Variants in LAMA2 observed in about 807,000 individuals in gnomAD.
LAMA2 encodes the protein laminin subunit alpha-2.
Under a neutral mutation model 364.8 loss-of-function variants are expected in LAMA2, and 269 were observed. The ratio of observed to expected loss-of-function variants is 0.74; its 90% CI spans 0.67 to 0.82. The LOEUF is 0.82. LAMA2 is among the 40% of genes least tolerant of loss of function. The pLI is 0.00. For synonymous variants in LAMA2, 1,379 were observed against 1,370.6 expected (o/e 1.01, Z -0.14); for missense variants, 3,807 against 3,873.2 (o/e 0.98, Z 0.45).
chr6:128,958,419 A>G, intron 1 of LAMA2, among the ~76,000 whole-genome samples: 1 of 152,256 alleles, frequency 6.6e-6, no homozygotes, highest in Admixed American at 6.5e-5. Flanking sequence ...TTATTATATT[A>G]TGAAGAAATA....
intron 1 of LAMA2, among the ~76,000 whole-genome samples, chr6:128,966,432 GCT>G (rs1387629997): frequency 6.6e-6 from 1 of 151,934 alleles, no homozygotes; most frequent in Non-Finnish European, 1.5e-5. Flanking sequence ...CTGTTCTGTT[GCT>G]CTTGGTTTAT....
At chr6:129,392,396 C>T (rs1336814399) in intron 36 of LAMA2, among the ~76,000 whole-genome samples, 2 of 152,124 alleles carry the variant, frequency 1.3e-5, no homozygotes, top group African/African-American at 4.8e-5. Flanking sequence ...GAATCAGAAA[C>T]TTTGGGGATG....
intron 4 of LAMA2, among the ~76,000 whole-genome samples, chr6:129,138,190 T>C (rs1309367866): frequency 6.6e-6 from 1 of 151,978 alleles, no homozygotes; most frequent in Non-Finnish European, 1.5e-5. Flanking sequence ...AGACTGACTA[T>C]ATGAATGGGA....
intron 29 of LAMA2, among the ~76,000 whole-genome samples, chr6:129,331,127 C>T (rs995215469): frequency 7.9e-5 from 12 of 152,132 alleles, no homozygotes; most frequent in African/African-American, 1.7e-4. Context: ...TCGCCTCCTT[C>T]GGCCTCCCAA....
chr6:129,351,925 T>C (rs895306484), intron 31 of LAMA2, among the ~76,000 whole-genome samples: 5 of 152,196 alleles, frequency 3.3e-5, no homozygotes, highest in Admixed American at 2.6e-4. Flanking sequence ...TTGCCTTTTC[T>C]AACCAGCACA....
intron 34 of LAMA2, among the ~76,000 whole-genome samples, chr6:129,370,690 A>G (rs1038382014): frequency 6.6e-6 from 1 of 152,234 alleles, no homozygotes; most frequent in Non-Finnish European, 1.5e-5. Flanking sequence ...GATAAAGAGT[A>G]TTGGAGCTAG....
chr6:129,509,667 T>C (rs1270078923), intron 62 of LAMA2, among the ~76,000 whole-genome samples: 4 of 152,156 alleles, frequency 2.6e-5, no homozygotes, highest in Non-Finnish European at 5.9e-5. Context: ...TCACTGTAGA[T>C]GTATGGATTT....
At chr6:129,373,878 C>G (rs1778226568) in intron 34 of LAMA2, among the ~76,000 whole-genome samples, 1 of 152,176 alleles carries the variant, frequency 6.6e-6, no homozygotes, top group Admixed American at 6.5e-5. Context: ...TGACCCTGAT[C>G]ACCTGACTAA....
intron 12 of LAMA2, among the ~76,000 whole-genome samples, chr6:129,237,644 G>A (rs1312088972): frequency 6.6e-6 from 1 of 152,060 alleles, no homozygotes; most frequent in South Asian, 2.1e-4. Flanking sequence ...GTGCCCAGCT[G>A]TTTCTCACAT....
At chr6:129,455,645 T>C (rs1782923728) in intron 47 of LAMA2, among the ~76,000 whole-genome samples, 1 of 152,126 alleles carries the variant, frequency 6.6e-6, no homozygotes, top group Non-Finnish European at 1.5e-5. Flanking sequence ...TGGAAATCAA[T>C]CACTTAAAAA....
At chr6:129,022,708 A>G (rs543687206) in intron 1 of LAMA2, among the ~76,000 whole-genome samples, 2 of 152,316 alleles carry the variant, frequency 1.3e-5, no homozygotes, top group South Asian at 4.1e-4. Flanking sequence ...TTTCCTTTCA[A>G]TAATAAGCAA....
chr6:129,033,970 C>G (rs1041147433), intron 1 of LAMA2, among the ~76,000 whole-genome samples: 2 of 150,990 alleles, frequency 1.3e-5, no homozygotes, highest in African/African-American at 2.4e-5. Context: ...GAACATAAAC[C>G]AAAACAAAGC....
Position 129,438,756 on chromosome 6 carries a change from CCAAATGG to C in LAMA2, c.6080_6085+1del. 1 of 1,520,700 alleles carries C rather than the reference CCAAATGG, an allele frequency of 6.6e-7. No homozygotes were observed. The highest frequency in any genetic ancestry group is 1.4e-5 in the African/African-American group (1 of 73,072). The allele number at this position is 1,520,700 out of a possible 1,614,324, so 94.2% of individuals were successfully genotyped here. A position where few individuals can be genotyped will look rare whatever the true frequency, so the allele number is the denominator to read the frequency against. ...CACTTTGGGAAAGTTATCAGCTATT[CCAAATGG>C]TAAGCATTCAGGACACTACCAACTG... On this transcript the variant is annotated splice_donor_variant and coding_sequence_variant, in exon 42 of 65. Coordinates refer to ENST00000421865, the MANE Select transcript of LAMA2 (RefSeq NM_000426.4). LOFTEE classifies it high-confidence loss of function.
chr6:129,507,774 G>A, intron 62 of LAMA2, 132 bp downstream of exon 62: 5 of 901,202 alleles, frequency 5.5e-6, no homozygotes, highest in South Asian at 4.3e-5. Context: ...AGAAACTTAT[G>A]GAAGTAATTT....
intron 3 of LAMA2, among the ~76,000 whole-genome samples, chr6:129,070,216 A>G (rs1773222677): frequency 6.6e-6 from 1 of 152,118 alleles, no homozygotes; most frequent in Non-Finnish European, 1.5e-5. Context: ...ATAAGGATAA[A>G]GTGATGTGTT....
At chr6:129,328,872 TG>T (rs1451536492) in intron 29 of LAMA2, among the ~76,000 whole-genome samples, 1 of 152,240 alleles carries the variant, frequency 6.6e-6, no homozygotes, top group East Asian at 1.9e-4. Context: ...TTTTATGTCT[TG>T]TCCTTTACAT....
At chr6:129,121,766 T>C (rs1405318174) in intron 4 of LAMA2, among the ~76,000 whole-genome samples, 2 of 152,168 alleles carry the variant, frequency 1.3e-5, no homozygotes, top group Non-Finnish European at 1.5e-5. Flanking sequence ...CTCAAAGACA[T>C]TATTACAAAG....
intron 12 of LAMA2, among the ~76,000 whole-genome samples, chr6:129,219,076 C>T (rs1783617340): frequency 6.6e-6 from 1 of 152,090 alleles, no homozygotes; most frequent in African/African-American, 2.4e-5. Context: ...TGTCAAAATA[C>T]ATGGGTCAAA....
At chr6:129,389,650 G>A (rs1054855311) in intron 35 of LAMA2, among the ~76,000 whole-genome samples, 5 of 152,174 alleles carry the variant, frequency 3.3e-5, no homozygotes, top group African/African-American at 1.2e-4. Context: ...TTAACAAGAA[G>A]CATGACTAGG....
Sources: allele counts gnomAD v4.1 joint callset (sites outside exome capture counted in the v4.1 genomes callset), GRCh38; gene constraint gnomAD v4.1.1; transcripts MANE v1.5; gene names NCBI Gene and HGNC (gene_info 2026-07-23, HGNC 2026-07-21).